The following BARX2 variants were observed in gnomAD, a reference collection of about 807,000 sequenced individuals.
The protein encoded by BARX2 is BARX homeobox 2.
BARX2 carries 11 observed loss-of-function variants against 25.5 expected under a neutral mutation model. The ratio of observed to expected loss-of-function variants is 0.43; its 90% CI spans 0.27 to 0.71. The LOEUF (loss-of-function observed/expected upper bound fraction) is 0.71, where lower values mean the gene tolerates loss of function less well. BARX2 is among the 30% of genes least tolerant of loss of function. The probability of loss-of-function intolerance (pLI) is 0.19; values close to 1 mark genes in which losing one functional copy is unlikely to be tolerated. For synonymous variants in BARX2, 137 were observed against 149.5 expected, an observed-to-expected ratio of 0.92 and a Z score of 0.61; for missense variants, 360 against 359.9, an observed-to-expected ratio of 1.00 and a Z score of 0.00.
At chr11:129,393,440 AT>A (rs1861685576) in intron 1 of BARX2, among the ~76,000 whole-genome samples, 1 of 151,822 alleles carries the variant, frequency 6.6e-6, no homozygotes, top group Non-Finnish European at 1.5e-5. Context: ...CTGATTTTCT[AT>A]TATTACTGAT....
intron 1 of BARX2, among the ~76,000 whole-genome samples, chr11:129,425,940 T>C (rs1862057149): frequency 6.6e-6 from 1 of 152,268 alleles, no homozygotes; most frequent in African/African-American, 2.4e-5. Flanking sequence ...TAATATGGAT[T>C]TTAGAATAAA....
chr11:129,401,900 G>T (rs1206155920), intron 1 of BARX2, among the ~76,000 whole-genome samples: 2 of 150,584 alleles, frequency 1.3e-5, no homozygotes, highest in Admixed American at 6.6e-5. Flanking sequence ...AGGTTGTAGT[G>T]AGCCAAGATT....
chr11:129,415,616 G>A (rs568065248), intron 1 of BARX2, among the ~76,000 whole-genome samples: 4 of 152,246 alleles, frequency 2.6e-5, no homozygotes, highest in South Asian at 2.1e-4. Context: ...ACAGAGCACC[G>A]GGCCCTGGAA....
chr11:129,396,631 T>G (rs2135390748), intron 1 of BARX2, among the ~76,000 whole-genome samples: 1 of 151,770 alleles, frequency 6.6e-6, no homozygotes, highest in African/African-American at 2.4e-5. Context: ...ACCCATGTGG[T>G]GGGTGGGGGG....
chr11:129,440,925 T>C (rs531822087), intron 2 of BARX2, among the ~76,000 whole-genome samples: 12 of 152,192 alleles, frequency 7.9e-5, no homozygotes, highest in Non-Finnish European at 1.6e-4. Flanking sequence ...TGGGGGTTGC[T>C]GCCCAAGCTC....
At chr11:129,444,622 A>ATAAT (rs1862302415) in intron 3 of BARX2, among the ~76,000 whole-genome samples, 1 of 152,198 alleles carries the variant, frequency 6.6e-6, no homozygotes, top group Non-Finnish European at 1.5e-5. Flanking sequence ...CGAGCATGTT[A>ATAAT]TAATTAAGTG....
intron 1 of BARX2, among the ~76,000 whole-genome samples, chr11:129,425,813 A>G (rs1182406783): frequency 6.6e-6 from 1 of 152,076 alleles, no homozygotes; most frequent in Non-Finnish European, 1.5e-5. Flanking sequence ...ATTTTTCTAA[A>G]TCTCCCCAAT....
At chr11:129,447,211 G>A (rs1862341296) in intron 3 of BARX2, among the ~76,000 whole-genome samples, 2 of 152,142 alleles carry the variant, frequency 1.3e-5, no homozygotes. Flanking sequence ...TTCCTGCACT[G>A]ACATTCCCTG....
At chr11:129,425,321 G>A (rs545249535) in intron 1 of BARX2, among the ~76,000 whole-genome samples, 29 of 152,326 alleles carry the variant, frequency 1.9e-4, no homozygotes, top group African/African-American at 6.7e-4. Flanking sequence ...GACACAAACA[G>A]AATGTGTGGG....
chr11:129,417,946 C>T (rs1417898853), intron 1 of BARX2, among the ~76,000 whole-genome samples: 1 of 152,182 alleles, frequency 6.6e-6, no homozygotes, highest in African/African-American at 2.4e-5. Flanking sequence ...AAAATAGATA[C>T]TTTAAAATTC....
In BARX2 at chr11:129,452,228, A is replaced by G. The variant is rs1049548117; in HGVS notation, c.*826A>G. The G allele has an allele frequency of 9.9e-5, 15 of 152,162 alleles. No individual in the cohort carries two copies. The highest frequency in any genetic ancestry group is 3.4e-4 in the African/African-American group (14 of 41,440). The allele number at this position is 152,162 out of a possible 1,614,324, so 9.4% of individuals were successfully genotyped here. A position where few individuals can be genotyped will look rare whatever the true frequency, so the allele number is the denominator to read the frequency against. ...TGCCATCCCTGAAACTGCAATGCAG[A>G]TATGTTCAGATAACTTTTATTTTTT... On this transcript the variant is annotated 3_prime_UTR_variant, in exon 4 of 4. Coordinates refer to ENST00000281437, the MANE Select transcript of BARX2 (RefSeq NM_003658.5).
chr11:129,433,079 C>G (rs554121570), intron 1 of BARX2, among the ~76,000 whole-genome samples: 22 of 152,304 alleles, frequency 1.4e-4, no homozygotes, highest in Admixed American at 2.6e-4. Context: ...ACTGACTCCT[C>G]AACATGTGCA....
At chr11:129,381,937 C>T (rs1861569138) in intron 1 of BARX2, among the ~76,000 whole-genome samples, 1 of 152,150 alleles carries the variant, frequency 6.6e-6, no homozygotes, top group Admixed American at 6.5e-5. Context: ...TTCTGTCGCT[C>T]CATGGGTACT....
chr11:129,446,015 G>T (rs997787440), intron 3 of BARX2, among the ~76,000 whole-genome samples: 5 of 152,314 alleles, frequency 3.3e-5, no homozygotes, highest in African/African-American at 1.2e-4. Flanking sequence ...TGGCTGCCAA[G>T]GGTAACTTTG....
chr11:129,400,222 C>T (rs1327446908), intron 1 of BARX2, among the ~76,000 whole-genome samples: 1 of 152,146 alleles, frequency 6.6e-6, no homozygotes, highest in Admixed American at 6.6e-5. Flanking sequence ...GATGCATTAT[C>T]CTCTCAAAGA....
At position 129,451,354 on chromosome 11, in the gene BARX2, GC is replaced by G. The variant is rs777173750; in HGVS notation, c.796del (p.Gln266ArgfsTer13). The G allele has an allele frequency of 2.7e-5, 43 of 1,614,116 alleles. No individual in the cohort carries two copies. In the East Asian group the frequency reaches 3.8e-4, roughly 14 times the overall value. ...PLEMAEPPDP[P>X]QELPIPSSEP... is the part of the protein sequence containing the mutation. ...TAGAGATGGCAGAGCCACCAGACCCGCCCCAGGAGTTGCCAATACCCTCTTC... is the reference window on the plus strand; with the variant it reads ...TAGAGATGGCAGAGCCACCAGACCCGCCCAGGAGTTGCCAATACCCTCTTC... On this transcript the variant is annotated frameshift_variant, in exon 4 of 4. Coordinates refer to ENST00000281437, the MANE Select transcript of BARX2 (RefSeq NM_003658.5). LOFTEE classifies it high-confidence loss of function.
At chr11:129,429,645 A>G (rs1386726637) in intron 1 of BARX2, among the ~76,000 whole-genome samples, 1 of 152,166 alleles carries the variant, frequency 6.6e-6, no homozygotes, top group African/African-American at 2.4e-5. Flanking sequence ...CTAAAACCCC[A>G]CAATCATTAA....
intron 1 of BARX2, among the ~76,000 whole-genome samples, chr11:129,377,475 A>G (rs1337630258): frequency 6.6e-6 from 1 of 152,260 alleles, no homozygotes; most frequent in African/African-American, 2.4e-5. Context: ...TCTGTAAGGT[A>G]GAATTAGGCC....
Position 129,451,562 on chromosome 11 carries a change from C to A in BARX2, c.*160C>A. The A allele has an allele frequency of 2.4e-6, 2 of 842,866 alleles. No individual in the cohort carries two copies. The highest frequency in any genetic ancestry group is 2.7e-5 in the East Asian group (1 of 37,126). The allele number at this position is 842,866 out of a possible 1,614,324, so 52.2% of individuals were successfully genotyped here. ...ACAGTTACCATTGGCCTTGTCATCG[C>A]AAGCATTTGACAAAGACTTGCTTGT... is the stretch of plus-strand genomic sequence containing the variant. On this transcript the variant is annotated 3_prime_UTR_variant, in exon 4 of 4. Coordinates refer to ENST00000281437, the MANE Select transcript of BARX2 (RefSeq NM_003658.5).
Sources: allele counts gnomAD v4.1 joint callset (sites outside exome capture counted in the v4.1 genomes callset), GRCh38; gene constraint gnomAD v4.1.1; transcripts MANE v1.5; gene names NCBI Gene and HGNC (gene_info 2026-07-23, HGNC 2026-07-21).